The following NTM variants were observed in gnomAD, a reference collection of about 807,000 sequenced individuals.
The protein encoded by NTM is neurotrimin.
NTM carries 13 observed loss-of-function variants against 42.1 expected under a neutral mutation model. The ratio of observed to expected loss-of-function variants is 0.31; its 90% confidence interval spans 0.20 to 0.49. NTM has a LOEUF of 0.49. Ranked by LOEUF, NTM falls within the 20% of genes least tolerant of loss-of-function variation. NTM has a pLI of 0.99. For missense variants in NTM, 373 were observed against 452.8 expected (o/e 0.82, Z 1.60); for synonymous variants, 187 against 179.2 (o/e 1.04, Z -0.35).
At chr11:131,432,298 T>C (rs1027676146) in intron 1 of NTM, among the ~76,000 whole-genome samples, 2 of 152,182 alleles carry the variant, frequency 1.3e-5, no homozygotes, top group Non-Finnish European at 2.9e-5. Flanking sequence ...TATCCCTTCA[T>C]GGACTCCATA....
At chr11:131,506,125 C>T (rs576564220) in intron 1 of NTM, among the ~76,000 whole-genome samples, 41 of 152,216 alleles carry the variant, frequency 2.7e-4, no homozygotes, top group African/African-American at 9.6e-4. Flanking sequence ...CCTGGCTTTC[C>T]TTAAAATGAC....
chr11:132,334,510 G>T (rs1292283584), intron 8 of NTM, among the ~76,000 whole-genome samples: 1 of 152,234 alleles, frequency 6.6e-6, no homozygotes, highest in South Asian at 2.1e-4. Context: ...CCTGCCCTGA[G>T]ATAGAGTGAT....
rs991730109 is a variant in NTM, at chr11:132,103,737, G to A, written c.168-42545G>A. 1.8e-4 allele frequency among the ~76,000 whole-genome samples: 27 copies of A among 152,294 alleles called. 1 individual carries two copies. The highest frequency in any genetic ancestry group is 1.6e-3 in the Admixed American group (24 of 15,306). ...CGTGTCTCAACTGTACCACTGAGTGGCTGTGAATTTAGTCAAGACACTTAA... is the reference window on the plus strand; with the variant it reads ...CGTGTCTCAACTGTACCACTGAGTGACTGTGAATTTAGTCAAGACACTTAA... On this transcript the variant is annotated intron_variant, in intron 2 of 8. Coordinates refer to ENST00000683400, the MANE Select transcript of NTM (RefSeq NM_001352005.2).
At chr11:131,658,708 G>A (rs932142648) in intron 1 of NTM, among the ~76,000 whole-genome samples, 1 of 152,188 alleles carries the variant, frequency 6.6e-6, no homozygotes, top group East Asian at 1.9e-4. Context: ...GGTGGCTCAC[G>A]CCTGTAATTC....
At chr11:132,162,650 G>C (rs536872479) in intron 3 of NTM, among the ~76,000 whole-genome samples, 1 of 150,354 alleles carries the variant, frequency 6.7e-6, no homozygotes, top group Non-Finnish European at 1.5e-5. Context: ...GCATGTGTGT[G>C]TTTGTGGGGC....
chr11:132,311,197 C>CTTTG (rs1327650747), intron 6 of NTM, among the ~76,000 whole-genome samples: 1 of 152,176 alleles, frequency 6.6e-6, no homozygotes, highest in African/African-American at 2.4e-5. Context: ...CCAGCCTTGG[C>CTTTG]TTTGTTTCCT....
intron 4 of NTM, among the ~76,000 whole-genome samples, chr11:132,276,237 A>C (rs1418537115): frequency 6.6e-6 from 1 of 152,048 alleles, no homozygotes; most frequent in Non-Finnish European, 1.5e-5. Context: ...TTCTTTATTC[A>C]TCCATCGTTA....
At chr11:132,058,115 A>T (rs552700010) in intron 2 of NTM, among the ~76,000 whole-genome samples, 2 of 151,654 alleles carry the variant, frequency 1.3e-5, no homozygotes, top group South Asian at 4.2e-4. Flanking sequence ...AGCCTCTTTT[A>T]TTTTGTTTCT....
intron 1 of NTM, among the ~76,000 whole-genome samples, chr11:131,465,616 C>T (rs969284376): frequency 6.6e-6 from 1 of 152,178 alleles, no homozygotes; most frequent in East Asian, 1.9e-4. Context: ...TATCCTGCGA[C>T]CTGTGATTTT....
chr11:132,126,725 A>T (rs2065902088), intron 2 of NTM, among the ~76,000 whole-genome samples: 1 of 152,176 alleles, frequency 6.6e-6, no homozygotes, highest in African/African-American at 2.4e-5. Flanking sequence ...CCAGGAGGCA[A>T]AGGGAGAGGG....
intron 5 of NTM, among the ~76,000 whole-genome samples, chr11:132,309,107 G>A (rs772974125): frequency 1.3e-5 from 2 of 152,200 alleles, no homozygotes; most frequent in African/African-American, 4.8e-5. Flanking sequence ...TCTCTTCAGG[G>A]TCTCCACAAA....
intron 2 of NTM, among the ~76,000 whole-genome samples, chr11:132,041,588 G>T (rs532837903): frequency 6.6e-6 from 1 of 152,076 alleles, no homozygotes. Flanking sequence ...TCTCTCAGTG[G>T]GTATGAACGT....
At chr11:131,917,840 G>C (rs542325131) in intron 2 of NTM, among the ~76,000 whole-genome samples, 1 of 152,214 alleles carries the variant, frequency 6.6e-6, no homozygotes, top group Non-Finnish European at 1.5e-5. Context: ...GGACCAAGGA[G>C]GGAGGCTCCT....
At chr11:132,055,444 A>G (rs2079488067) in intron 2 of NTM, among the ~76,000 whole-genome samples, 1 of 152,160 alleles carries the variant, frequency 6.6e-6, no homozygotes, top group African/African-American at 2.4e-5. Context: ...AAACACACCA[A>G]CTTGCAAATG....
chr11:132,190,965 T>C (rs935143278), intron 3 of NTM, among the ~76,000 whole-genome samples: 2 of 152,170 alleles, frequency 1.3e-5, no homozygotes, highest in African/African-American at 4.8e-5. Context: ...TCATTTTGCT[T>C]TGTTTTAATT....
chr11:131,565,104 C>T lies in NTM; in HGVS notation c.82+194216C>T, dbSNP rs139817025. ...AAGAACAGCACTTCTGAGGGAGCTG[C>T]AGACACCCTGGCGCGCATGTTGGTG... is the stretch of plus-strand genomic sequence containing the variant. On this transcript the variant is annotated intron_variant, in intron 1 of 8. Coordinates refer to ENST00000683400, the MANE Select transcript of NTM (RefSeq NM_001352005.2). Among the ~76,000 whole-genome samples the T allele has an allele frequency of 3.7e-3, 568 of 152,304 alleles. 4 individuals carry two copies. Among genetic ancestry groups the T allele is most frequent in the Non-Finnish European group, 5.1e-3 (346 of 68,026 alleles).
intron 1 of NTM, chr11:131,795,195 G>C: frequency 3.1e-6 from 1 of 326,042 alleles, no homozygotes; most frequent in Non-Finnish European, 4.4e-6. Flanking sequence ...AGTGGTGAAG[G>C]CTTACTCACG....
intron 1 of NTM, among the ~76,000 whole-genome samples, chr11:131,463,670 C>T (rs774397514): frequency 1.3e-5 from 2 of 152,220 alleles, no homozygotes; most frequent in Non-Finnish European, 2.9e-5. Context: ...ACTAGCTTTA[C>T]ATTGTCCTAC....
intron 4 of NTM, among the ~76,000 whole-genome samples, chr11:132,239,317 T>G (rs866014025): frequency 6.6e-6 from 1 of 152,262 alleles, no homozygotes; most frequent in Non-Finnish European, 1.5e-5. Flanking sequence ...CCCAAAATTA[T>G]CTGTTTTCCT....
Sources: gnomAD v4.1 joint callset for allele counts (sites outside exome capture counted in the v4.1 genomes callset) on GRCh38, gnomAD v4.1.1 for gene constraint, MANE v1.5 for transcripts, NCBI Gene and HGNC (gene_info 2026-07-23, HGNC 2026-07-21) for gene names.